The following PDE8B variants were observed in gnomAD, a reference collection of about 807,000 sequenced individuals.
The protein encoded by PDE8B is high affinity cAMP-specific and IBMX-insensitive 3',5'-cyclic phosphodiesterase 8B.
A neutral mutation model predicts 101.3 loss-of-function variants in PDE8B; 26 were observed. The ratio of observed to expected loss-of-function variants is 0.26; its 90% CI spans 0.19 to 0.36. The LOEUF (loss-of-function observed/expected upper bound fraction) is 0.36. Ranked by LOEUF, PDE8B falls within the 10% of genes least tolerant of loss-of-function variation. PDE8B has a pLI of 1.00. For synonymous variants in PDE8B, 424 were observed against 429.3 expected (o/e 0.99, Z 0.15); for missense variants, 810 against 1,163.1 (o/e 0.70, Z 4.42).
chr5:77,201,120 T>A, the PDE8B span, among the ~76,000 whole-genome samples: 1 of 152,110 alleles, frequency 6.6e-6, no homozygotes, highest in African/African-American at 2.4e-5. Context: ...AGAAATAAGA[T>A]CCCAGGGCTC....
chr5:77,284,402 C>T (rs1172118934), intron 1 of PDE8B, among the ~76,000 whole-genome samples: 1 of 152,138 alleles, frequency 6.6e-6, no homozygotes, highest in African/African-American at 2.4e-5. Flanking sequence ...TTGCCAAACT[C>T]AAGATTGTTT....
the PDE8B span, chr5:77,165,435 G>A: frequency 6.6e-6 from 1 of 152,224 alleles, no homozygotes; most frequent in Non-Finnish European, 1.5e-5. Flanking sequence ...CTGAGTGTGT[G>A]GGTGGAACAT....
At chr5:77,176,207 C>T in the PDE8B span, among the ~76,000 whole-genome samples, 3 of 152,114 alleles carry the variant, frequency 2.0e-5, no homozygotes, top group Non-Finnish European at 2.9e-5. Context: ...CACTCCCACT[C>T]GTATTCCAAA....
At chr5:77,170,603 TGAACTAAATCATCG>T in the PDE8B span, among the ~76,000 whole-genome samples, 1 of 152,348 alleles carries the variant, frequency 6.6e-6, no homozygotes, top group African/African-American at 2.4e-5. Context: ...TTTTAAGCTC[TGAACTAAATCATCG>T]TTATGAGTTT....
intron 1 of PDE8B, among the ~76,000 whole-genome samples, chr5:77,308,318 G>T (rs2150091991): frequency 6.6e-6 from 1 of 152,314 alleles, no homozygotes; most frequent in Middle Eastern, 3.4e-3. Flanking sequence ...GACTAGAGGA[G>T]CTGGTAAACT....
At chr5:77,291,519 G>A in intron 1 of PDE8B, 1 of 1,607,414 alleles carries the variant, frequency 6.2e-7, no homozygotes, top group African/African-American at 1.3e-5. Context: ...AGAGGTCTTT[G>A]CATGGAATAC....
At chr5:77,179,444 C>T in the PDE8B span, among the ~76,000 whole-genome samples, 5 of 152,162 alleles carry the variant, frequency 3.3e-5, no homozygotes, top group Admixed American at 2.6e-4. Context: ...CCCTCCACCC[C>T]AGAGGAGCCA....
intron 17 of PDE8B, among the ~76,000 whole-genome samples, chr5:77,414,767 C>A (rs1189728985): frequency 2.0e-5 from 3 of 152,062 alleles, no homozygotes; most frequent in African/African-American, 7.3e-5. Context: ...TGTTTCACAG[C>A]TGAAGCCACA....
At chr5:77,336,256 A>T (rs1162184822) in intron 5 of PDE8B, among the ~76,000 whole-genome samples, 2 of 152,218 alleles carry the variant, frequency 1.3e-5, no homozygotes, top group Non-Finnish European at 2.9e-5. Flanking sequence ...ATTCAGTGAC[A>T]CTTAGCACAT....
At chr5:77,146,919 A>G in the PDE8B span, 6 of 440,428 alleles carry the variant, frequency 1.4e-5, no homozygotes, top group East Asian at 2.9e-4. Flanking sequence ...TCAAAGGAGA[A>G]CATCCTGGCC....
At position 77,211,299 on chromosome 5, in the gene PDE8B, C is replaced by T. The variant is rs781062791; in HGVS notation, c.339+35C>T. 2 of 1,515,322 alleles carry T rather than the reference C, an allele frequency of 1.3e-6. No homozygotes were observed. The highest frequency in any genetic ancestry group is 1.2e-5 in the South Asian group (1 of 82,218). The allele number at this position is 1,515,322 out of a possible 1,614,324, so 93.9% of individuals were successfully genotyped here. ...CCGCGCTGGCACACGCCGTGGGGGC[C>T]GTCCGCCCCGTCGGCGGGGCTCGCA... On this transcript the variant is annotated intron_variant, in intron 1 of 21. Coordinates refer to ENST00000264917, the MANE Select transcript of PDE8B (RefSeq NM_003719.5). The surrounding 1 kb of genome is among the most constrained non-coding windows in gnomAD (Gnocchi z 4.1).
At chr5:77,234,077 C>G (rs1754193088) in intron 1 of PDE8B, among the ~76,000 whole-genome samples, 1 of 152,092 alleles carries the variant, frequency 6.6e-6, no homozygotes, top group Non-Finnish European at 1.5e-5. Flanking sequence ...AGAGCAGTTT[C>G]AGACCAGGAG....
chr5:77,102,218 G>A, the PDE8B span, among the ~76,000 whole-genome samples: 1 of 152,126 alleles, frequency 6.6e-6, no homozygotes, highest in Non-Finnish European at 1.5e-5. Context: ...CCACTTGGCA[G>A]CTCCATTTTT....
At chr5:77,303,681 C>G (rs1463487387) in intron 1 of PDE8B, among the ~76,000 whole-genome samples, 1 of 152,194 alleles carries the variant, frequency 6.6e-6, no homozygotes, top group African/African-American at 2.4e-5. Flanking sequence ...GACCACTTGC[C>G]TCAATTGGGA....
the PDE8B span, among the ~76,000 whole-genome samples, chr5:77,108,585 A>G: frequency 6.6e-6 from 1 of 152,222 alleles, no homozygotes; most frequent in Non-Finnish European, 1.5e-5. Flanking sequence ...TAGGAGGCCT[A>G]AGCATGAGAA....
chr5:77,388,631 G>A (rs527915638), intron 10 of PDE8B, among the ~76,000 whole-genome samples: 5 of 152,326 alleles, frequency 3.3e-5, no homozygotes, highest in African/African-American at 4.8e-5. Flanking sequence ...CCTCAGAGCT[G>A]TCAGGCCGGG....
At chr5:77,252,921 C>T (rs566681974) in intron 1 of PDE8B, among the ~76,000 whole-genome samples, 50 of 152,232 alleles carry the variant, frequency 3.3e-4, no homozygotes, top group African/African-American at 1.1e-3. Context: ...ACTTTTTTTA[C>T]GAAGTCTAAT....
chr5:77,328,215 AG>A (rs1230772913), intron 3 of PDE8B, among the ~76,000 whole-genome samples: 1 of 152,196 alleles, frequency 6.6e-6, no homozygotes, highest in African/African-American at 2.4e-5. Context: ...CTTTATTAAA[AG>A]TTTGTCCAAT....
chr5:77,179,808 G>A, the PDE8B span, among the ~76,000 whole-genome samples: 38 of 152,172 alleles, frequency 2.5e-4, no homozygotes, highest in African/African-American at 8.9e-4. Context: ...AGATCCTCCC[G>A]CCTTGGCCTC....
Sources: gnomAD v4.1 joint callset for allele counts (sites outside exome capture counted in the v4.1 genomes callset) on GRCh38, gnomAD v4.1.1 for gene constraint, Gnocchi (gnomAD v3.1) non-coding constraint, MANE v1.5 for transcripts, NCBI Gene and HGNC (gene_info 2026-07-23, HGNC 2026-07-21) for gene names.